The following AASDH variants were observed in gnomAD, a reference collection of about 807,000 sequenced individuals.
The protein encoded by AASDH is aminoadipate-semialdehyde dehydrogenase.
Under a neutral mutation model 102.3 loss-of-function variants are expected in AASDH, and 81 were observed. The observed-to-expected ratio is 0.79, with a 90% confidence interval of 0.66 to 0.95. AASDH has a LOEUF of 0.95. Among genes scored for constraint, AASDH ranks in the 40% least tolerant of loss-of-function variants. AASDH has a pLI of 0.00. For synonymous variants in AASDH, 398 were observed against 454.0 expected (o/e 0.88, Z 1.57); for missense variants, 1,203 against 1,266.2 (o/e 0.95, Z 0.76).
intron 5 of AASDH, chr4:56,356,097 A>G: frequency 1.6e-6 from 1 of 607,532 alleles, no homozygotes; most frequent in Middle Eastern, 4.4e-4. Flanking sequence ...AAGGGTTTAA[A>G]AATGTGCCTA....
At chr4:56,356,622 C>T (rs890797949) in intron 5 of AASDH, 3 of 703,812 alleles carry the variant, frequency 4.3e-6, no homozygotes, top group South Asian at 1.5e-5. Context: ...TGGCTCCCAT[C>T]GAGTTGGTTG....
At position 56,382,582 on chromosome 4, in the gene AASDH, C is replaced by T. The variant is rs774031979; in HGVS notation, c.246G>A (p.Pro82=). The T allele has an allele frequency of 9.3e-6, 15 of 1,605,056 alleles. No homozygotes were observed. Among genetic ancestry groups the T allele is most frequent in the Middle Eastern group, 3.3e-4 (2 of 6,070 alleles). ...PSWILGILQV[P]AAYVPIEPDS... ...CTGGCTCGATAGGTACATAAGCAGCCGGGACTTGGAGAATTCTAAAGAAAA... is the reference window on the plus strand; with the variant it reads ...CTGGCTCGATAGGTACATAAGCAGCTGGGACTTGGAGAATTCTAAAGAAAA... The change falls in exon 3 of 15, where the codon CCG becomes CCA. Residue 82 remains proline (P), a synonymous_variant. Transcript: ENST00000205214.
chr4:56,350,163 T>C lies in AASDH; in HGVS notation c.1693-105A>G. ...AGATGAGAGTACCTACATTAATAAT[T>C]AGAAATATAGGTCGGGTACAGTGGC... On this transcript the variant is annotated intron_variant, in intron 10 of 14. Transcript: ENST00000205214. The C allele has an allele frequency of 2.9e-6, 3 of 1,046,464 alleles. No individual in the cohort carries two copies. In the South Asian group the frequency reaches 5.2e-5, roughly 18 times the overall value. The allele number at this position is 1,046,464 out of a possible 1,614,324, so 64.8% of individuals were successfully genotyped here.
chr4:56,385,476 C>A (rs1189076475), intron 1 of AASDH, among the ~76,000 whole-genome samples: 1 of 152,134 alleles, frequency 6.6e-6, no homozygotes, highest in Non-Finnish European at 1.5e-5. Context: ...AAGAAACACT[C>A]GGGATCAACG....
At chr4:56,373,358 G>C (rs995235835) in intron 4 of AASDH, among the ~76,000 whole-genome samples, 1 of 152,172 alleles carries the variant, frequency 6.6e-6, no homozygotes, top group Non-Finnish European at 1.5e-5. Flanking sequence ...GATCAGGCCG[G>C]TCTCGAACTC....
intron 5 of AASDH, among the ~76,000 whole-genome samples, chr4:56,365,897 C>T (rs1216195938): frequency 1.3e-5 from 2 of 152,008 alleles, no homozygotes; most frequent in Non-Finnish European, 2.9e-5. Flanking sequence ...AATAGAGACA[C>T]AAAAATCCCT....
intron 5 of AASDH, among the ~76,000 whole-genome samples, chr4:56,364,473 G>A (rs1750734558): frequency 6.6e-6 from 1 of 152,118 alleles, no homozygotes; most frequent in South Asian, 2.1e-4. Context: ...AGAGAGAAAG[G>A]TCGGGTTACC....
chr4:56,366,101 A>C (rs998662975), intron 5 of AASDH, among the ~76,000 whole-genome samples: 35 of 152,236 alleles, frequency 2.3e-4, no homozygotes, highest in African/African-American at 7.2e-4. Context: ...CCTCTATGCA[A>C]ATAAACTAGA....
In AASDH at chr4:56,372,533, G is replaced by A. The variant is rs183670708; in HGVS notation, c.669-890C>T. Among the ~76,000 whole-genome samples, 45 of 152,236 alleles carry A rather than the reference G, an allele frequency of 3.0e-4. No homozygotes were observed. The East Asian group carries it at 7.3e-3, about 25-fold the overall frequency. ...TTATACAGCATGGATAGTCATTGTG[G>A]AGCCTATGACACTATTTTAATTTGA... is the stretch of plus-strand genomic sequence containing the variant. On this transcript the variant is annotated intron_variant, in intron 4 of 14. Transcript: ENST00000205214.
In AASDH at chr4:56,353,419, G is replaced by A; in HGVS notation, c.1561C>T (p.Pro521Ser). The change falls in exon 9 of 15, where the codon CCA becomes TCA. Residue 521 changes from proline (P) to serine (S), a missense_variant. Pro to Ser is a moderately conservative substitution (Grantham distance 74). Coordinates refer to ENST00000205214, the MANE Select transcript of AASDH (RefSeq NM_181806.4). ...ATTACTTTACCGTGGGATGTAAATG[G>A]TAGAGAGTCGATCAATACAAGCTCA... ...PDELVLIDSL[P>S]FTSHGKIDVS... 5.0e-6 allele frequency: 8 copies of A among 1,607,332 alleles called. No homozygotes were observed. The highest frequency in any genetic ancestry group is 6.8e-6 in the Non-Finnish European group (8 of 1,177,608).
intron 1 of AASDH, among the ~76,000 whole-genome samples, chr4:56,384,806 G>C (rs1311156098): frequency 2.6e-5 from 4 of 152,186 alleles, no homozygotes; most frequent in Non-Finnish European, 5.9e-5. Flanking sequence ...GGGTGCGGTG[G>C]CTCACACCTG....
chr4:56,385,273 T>G (rs1173596316), intron 1 of AASDH, among the ~76,000 whole-genome samples: 1 of 152,164 alleles, frequency 6.6e-6, no homozygotes, highest in Non-Finnish European at 1.5e-5. Context: ...CTATTAATAT[T>G]TTACAGAAGT....
chr4:56,365,085 T>C (rs372363128), intron 5 of AASDH, among the ~76,000 whole-genome samples: 18 of 151,872 alleles, frequency 1.2e-4, no homozygotes, highest in Admixed American at 7.9e-4. Context: ...TCGGATAAAA[T>C]AGACTTTAAA....
chr4:56,373,497 T>C (rs749736424), intron 4 of AASDH, among the ~76,000 whole-genome samples: 24 of 152,118 alleles, frequency 1.6e-4, no homozygotes, highest in South Asian at 8.3e-4. Flanking sequence ...ATGGCCTGCC[T>C]TGGGGAGAAA....
rs1560573897 is a variant in AASDH at position 56,349,985 on chromosome 4, G to C, written c.1766C>G (p.Ser589Cys). 1 of 1,612,632 alleles carries C rather than the reference G, an allele frequency of 6.2e-7. No homozygotes were observed. The highest frequency in any genetic ancestry group is 1.3e-5 in the African/African-American group (1 of 75,004). Reference protein sequence around the residue: ...ESLFLNSGGDSLKSIRLLSEI... With the variant: ...ESLFLNSGGDCLKSIRLLSEI... ...ACTGAGGAGCCGGATGGACTTTAAG[G>C]AATCTCCACCACTATTTAAGAAGAG... Residue 589 changes from serine to cysteine, a missense_variant, in exon 11 of 15, where the codon TCC becomes TGC. By Grantham distance (112) the Ser-to-Cys change is moderately radical. Transcript: ENST00000205214.
At position 56,345,197 on chromosome 4, in the gene AASDH, G is replaced by A. The variant is rs1748190083; in HGVS notation, c.2582C>T (p.Thr861Ile). The A allele has an allele frequency of 2.5e-6, 4 of 1,614,004 alleles. No individual in the cohort carries two copies. In the African/African-American group the frequency reaches 4.0e-5, roughly 16 times the overall value. Residue 861 changes from threonine (T) to isoleucine (I), a missense_variant, in exon 12 of 15, where the codon ACC becomes ATC. Coordinates refer to ENST00000205214, the MANE Select transcript of AASDH (RefSeq NM_181806.4). ...TTEDAVKSSA[T>I]MDPTTGLIYI... The stretch of plus-strand genomic sequence containing the variant: ...AATGAGTCCTGTGGTTGGATCCATG[G>A]TTGCCGAGCTTTTGACAGCATCTTC...
rs149586978 is a variant in AASDH, at chr4:56,339,210, G to C, written c.2908-419C>G. On this transcript the variant is annotated intron_variant, in intron 14 of 14. Coordinates refer to ENST00000205214, the MANE Select transcript of AASDH (RefSeq NM_181806.4). ...GCTCTGTCGCCCAGGCTGGAGTGCAGTGGCATGATCTCAGCTCACTGCATC... is the reference window on the plus strand; with the variant it reads ...GCTCTGTCGCCCAGGCTGGAGTGCACTGGCATGATCTCAGCTCACTGCATC... Among the ~76,000 whole-genome samples the C allele has an allele frequency of 5.7e-3, 858 of 151,820 alleles. 10 individuals carry two copies. Among genetic ancestry groups the C allele is most frequent in the African/African-American group, 0.018 (756 of 41,448 alleles).
chr4:56,347,958 C>A (rs138291589), intron 11 of AASDH, among the ~76,000 whole-genome samples: 1 of 151,928 alleles, frequency 6.6e-6, no homozygotes, highest in Non-Finnish European at 1.5e-5. Context: ...CAATACCAGC[C>A]TGACCAACAT....
intron 4 of AASDH, among the ~76,000 whole-genome samples, chr4:56,377,080 AAT>A (rs1202755915): frequency 1.2e-4 from 11 of 92,778 alleles, no homozygotes; most frequent in African/African-American, 4.3e-4. Context: ...AAAAAAAAAA[AAT>A]AAATAAATAA....
Sources: gnomAD v4.1 joint callset for allele counts (sites outside exome capture counted in the v4.1 genomes callset) on GRCh38, gnomAD v4.1.1 for gene constraint, MANE v1.5 for transcripts, NCBI Gene and HGNC (gene_info 2026-07-23, HGNC 2026-07-21) for gene names.